AGPAT3: variants seen among roughly 807,000 people sequenced by gnomAD.
The protein encoded by AGPAT3 is 1-acylglycerol-3-phosphate O-acyltransferase 3.
Under a neutral mutation model 47.3 loss-of-function variants are expected in AGPAT3, and 5 were observed. That is an observed-to-expected ratio of 0.11 (90% CI 0.06 to 0.22). The LOEUF (loss-of-function observed/expected upper bound fraction) is 0.22. Among genes scored for constraint, AGPAT3 ranks in the 10% least tolerant of loss-of-function variants. AGPAT3 has a pLI of 1.00. For missense variants in AGPAT3, 315 were observed against 493.0 expected (o/e 0.64, Z 3.42); for synonymous variants, 212 against 208.3 (o/e 1.02, Z -0.15).
intron 7 of AGPAT3, among the ~76,000 whole-genome samples, chr21:43,975,581 G>C (rs901129293): frequency 6.6e-6 from 1 of 152,206 alleles, no homozygotes; most frequent in Non-Finnish European, 1.5e-5. Flanking sequence ...GACCTGCCTG[G>C]CTGTGGAAAC....
chr21:43,866,128 T>G (rs1472641008), intron 1 of AGPAT3, among the ~76,000 whole-genome samples: 1 of 151,204 alleles, frequency 6.6e-6, no homozygotes, highest in East Asian at 1.9e-4. Flanking sequence ...GTGTTTTTTT[T>G]TTTTTTTTTA....
intron 7 of AGPAT3, among the ~76,000 whole-genome samples, chr21:43,976,496 G>A (rs1000071521): frequency 1.4e-4 from 21 of 152,308 alleles, no homozygotes; most frequent in African/African-American, 4.3e-4. Context: ...CACTGTGCCC[G>A]GCTGAAAATG....
chr21:43,887,680 A>C (rs1331364468), intron 1 of AGPAT3, among the ~76,000 whole-genome samples: 2 of 152,210 alleles, frequency 1.3e-5, no homozygotes, highest in Non-Finnish European at 2.9e-5. Context: ...TTAGAGACAG[A>C]GTTTCGCTCT....
At chr21:43,977,635 T>C (rs931454243) in intron 7 of AGPAT3, among the ~76,000 whole-genome samples, 1 of 152,074 alleles carries the variant, frequency 6.6e-6, no homozygotes, top group Non-Finnish European at 1.5e-5. Context: ...CCCAGCACTT[T>C]GGGAGGCTGA....
chr21:43,941,861 A>G (rs996123942), intron 2 of AGPAT3, among the ~76,000 whole-genome samples: 3 of 152,244 alleles, frequency 2.0e-5, no homozygotes, highest in Admixed American at 6.5e-5. Context: ...GCTCAAAATG[A>G]TGAAAGACCT....
At chr21:43,953,312 G>A (rs183643283) in intron 2 of AGPAT3, among the ~76,000 whole-genome samples, 9 of 152,306 alleles carry the variant, frequency 5.9e-5, no homozygotes, top group Admixed American at 5.2e-4. Flanking sequence ...AAACAGGGAC[G>A]GGATGTTCGG....
At chr21:43,968,794 CAGA>C (rs2089265696) in intron 4 of AGPAT3, among the ~76,000 whole-genome samples, 1 of 152,162 alleles carries the variant, frequency 6.6e-6, no homozygotes, top group Non-Finnish European at 1.5e-5. Context: ...CCGATGCTGG[CAGA>C]AGAATTTCAT....
rs2089850817 is a variant in AGPAT3, at chr21:43,981,502, G to A, written c.1042+315G>A. On this transcript the variant is annotated intron_variant, in intron 9 of 9. Coordinates refer to ENST00000291572, the MANE Select transcript of AGPAT3 (RefSeq NM_020132.5). The surrounding 1 kb of genome is among the most constrained non-coding windows in gnomAD (Gnocchi z 5.3). ...GTCCCCAGCCCCCCTGTCTGCTTTTGGGCTCTTAGGGGTCAGGCTGGGCTG... is the reference window on the plus strand; with the variant it reads ...GTCCCCAGCCCCCCTGTCTGCTTTTAGGCTCTTAGGGGTCAGGCTGGGCTG... The A allele has an allele frequency of 4.6e-6, 2 of 439,136 alleles. No individual in the cohort carries two copies. Among genetic ancestry groups the A allele is most frequent in the African/African-American group, 4.0e-5 (2 of 50,354 alleles). 27.2% of individuals were successfully genotyped at this position (439,136 alleles called of 1,614,324 possible). A position where few individuals can be genotyped will look rare whatever the true frequency, so the allele number is the denominator to read the frequency against.
intron 3 of AGPAT3, among the ~76,000 whole-genome samples, chr21:43,962,923 C>T (rs970321797): frequency 3.3e-5 from 5 of 152,222 alleles, no homozygotes; most frequent in African/African-American, 1.2e-4. Context: ...GAAAGAGAAC[C>T]AAGTAGAACT....
Position 43,986,812 on chromosome 21 carries a change from T to C in AGPAT3, c.*4420T>C, listed in dbSNP as rs1439511366. 6.6e-6 allele frequency among the ~76,000 whole-genome samples: 1 copy of C among 152,228 alleles called. No homozygotes were observed. The highest frequency in any genetic ancestry group is 1.5e-5 in the Non-Finnish European group (1 of 68,034). Reference sequence around the variant, plus strand: ...TCAAAGGGACCCATTGTATACAGGGTGCAAATGTATTATACGGATGTTTCC... The same window carrying C: ...TCAAAGGGACCCATTGTATACAGGGCGCAAATGTATTATACGGATGTTTCC... On this transcript the variant is annotated 3_prime_UTR_variant, in exon 10 of 10. Coordinates refer to ENST00000291572, the MANE Select transcript of AGPAT3 (RefSeq NM_020132.5).
intron 2 of AGPAT3, among the ~76,000 whole-genome samples, chr21:43,919,573 C>T (rs1275667694): frequency 6.6e-6 from 1 of 152,200 alleles, no homozygotes; most frequent in Non-Finnish European, 1.5e-5. Flanking sequence ...GTTCTGTATC[C>T]TTGCAATTGC....
At chr21:43,925,851 A>C (rs1486469750) in intron 2 of AGPAT3, among the ~76,000 whole-genome samples, 1 of 152,238 alleles carries the variant, frequency 6.6e-6, no homozygotes, top group East Asian at 1.9e-4. Context: ...CTTCTCCGTC[A>C]GGGCAGGCCA....
At position 43,970,928 on chromosome 21, in the gene AGPAT3, A is replaced by G. The variant is rs564585016; in HGVS notation, c.664+122A>G. ...CACAGAAGAACAGAAGTGCAAAAGG[A>G]ATCAAGTGAGGGGGTCGGCGCCGCA... On this transcript the variant is annotated intron_variant, in intron 6 of 9. Transcript: ENST00000291572. This position sits in a 1 kb window ranked among gnomAD's most constrained non-coding sequence, Gnocchi z 5.8. 8.6e-4 allele frequency: 1,042 copies of G among 1,212,558 alleles called. 9 individuals are homozygous for G. In the South Asian group the frequency reaches 0.014, roughly 16 times the overall value. 75.1% of individuals were successfully genotyped at this position (1,212,558 alleles called of 1,614,324 possible). A position where few individuals can be genotyped will look rare whatever the true frequency, so the allele number is the denominator to read the frequency against.
chr21:43,943,276 G>C (rs975821038), intron 2 of AGPAT3, among the ~76,000 whole-genome samples: 1 of 152,066 alleles, frequency 6.6e-6, no homozygotes, highest in Non-Finnish European at 1.5e-5. Flanking sequence ...GGGTTTCACC[G>C]TGTTAGCCAG....
In AGPAT3 at chr21:43,933,488, C is replaced by G. The variant is rs1234680153; in HGVS notation, c.-48-26146C>G. Among the ~76,000 whole-genome samples the G allele has an allele frequency of 6.6e-6, 1 of 152,128 alleles. No homozygotes were observed. The highest frequency in any genetic ancestry group is 1.5e-5 in the Non-Finnish European group (1 of 68,030). ...AAAGGTTTGGGAATATCGATGATGTCATCATACTCCTGGCTGCTTCTTGAC... is the reference window on the plus strand; with the variant it reads ...AAAGGTTTGGGAATATCGATGATGTGATCATACTCCTGGCTGCTTCTTGAC... On this transcript the variant is annotated intron_variant, in intron 2 of 9. Coordinates refer to ENST00000291572, the MANE Select transcript of AGPAT3 (RefSeq NM_020132.5). This position sits in a 1 kb window ranked among gnomAD's most constrained non-coding sequence, Gnocchi z 6.0.
intron 2 of AGPAT3, among the ~76,000 whole-genome samples, chr21:43,923,752 C>T (rs1276840352): frequency 6.6e-6 from 1 of 152,188 alleles, no homozygotes; most frequent in Non-Finnish European, 1.5e-5. Flanking sequence ...AGAGTGAGGC[C>T]TGGGGGATCC....
At position 43,952,308 on chromosome 21, in the gene AGPAT3, G is replaced by A. The variant is rs1170196206; in HGVS notation, c.-48-7326G>A. On this transcript the variant is annotated intron_variant, in intron 2 of 9. Transcript: ENST00000291572. The surrounding 1 kb of genome is among the most constrained non-coding windows in gnomAD (Gnocchi z 5.6). ...AGGACACCGGTCAGATGGAATCAGC[G>A]CCCACCCTGATGATATCATTTAACT... Among the ~76,000 whole-genome samples, 10 of 152,226 alleles carry A rather than the reference G, an allele frequency of 6.6e-5. No homozygotes were observed. Among genetic ancestry groups the A allele is most frequent in the Admixed American group, 4.6e-4 (7 of 15,290 alleles).
At chr21:43,870,805 C>T (rs907024697) in intron 1 of AGPAT3, among the ~76,000 whole-genome samples, 13 of 152,130 alleles carry the variant, frequency 8.5e-5, no homozygotes, top group African/African-American at 2.4e-4. Flanking sequence ...ACAGGAAAAT[C>T]GTAAACACAG....
intron 1 of AGPAT3, among the ~76,000 whole-genome samples, chr21:43,877,059 A>G (rs1476478161): frequency 1.3e-5 from 2 of 152,062 alleles, no homozygotes; most frequent in Non-Finnish European, 2.9e-5. Context: ...GGATTTGACC[A>G]TGTTACCCAG....
Sources: gnomAD v4.1 joint callset for allele counts (sites outside exome capture counted in the v4.1 genomes callset) on GRCh38, gnomAD v4.1.1 for gene constraint, Gnocchi (gnomAD v3.1) non-coding constraint, MANE v1.5 for transcripts, NCBI Gene and HGNC (gene_info 2026-07-23, HGNC 2026-07-21) for gene names.